The following METTL15 variants were observed in gnomAD, a reference collection of about 807,000 sequenced individuals.
METTL15 encodes the protein methyltransferase 15, mitochondrial 12S rRNA N4-cytidine.
METTL15 carries 34 observed loss-of-function variants against 38.3 expected under a neutral mutation model. The observed-to-expected ratio is 0.89, with a 90% CI of 0.68 to 1.18. The LOEUF (loss-of-function observed/expected upper bound fraction) is 1.18, where lower values mean the gene tolerates loss of function less well. Ranked by LOEUF, METTL15 falls within the 50% of genes most tolerant of loss-of-function variation. METTL15 has a pLI of 0.00. For synonymous variants in METTL15, 162 were observed against 170.9 expected, an observed-to-expected ratio of 0.95 and a Z score of 0.41; for missense variants, 438 against 498.4, an observed-to-expected ratio of 0.88 and a Z score of 1.15.
chr11:28,152,396 C>A (rs1188584081), intron 3 of METTL15, among the ~76,000 whole-genome samples: 1 of 151,672 alleles, frequency 6.6e-6, no homozygotes, highest in Non-Finnish European at 1.5e-5. Flanking sequence ...TAAATTTTTT[C>A]TTTTTAGTCA....
At chr11:28,391,488 C>G (rs977670445) in intron 5 of METTL15, among the ~76,000 whole-genome samples, 1 of 151,256 alleles carries the variant, frequency 6.6e-6, no homozygotes, top group Admixed American at 6.6e-5. Context: ...TTGAGATAAT[C>G]ATGAGCCTAC....
At chr11:28,297,859 A>C (rs1856793560) in intron 6 of METTL15, among the ~76,000 whole-genome samples, 1 of 152,104 alleles carries the variant, frequency 6.6e-6, no homozygotes, top group Non-Finnish European at 1.5e-5. Context: ...TATAAATAGA[A>C]CCTGATATTG....
At chr11:28,230,711 C>T (rs547346782) in intron 4 of METTL15, among the ~76,000 whole-genome samples, 110 of 152,016 alleles carry the variant, frequency 7.2e-4, no homozygotes, top group Non-Finnish European at 1.3e-3. Flanking sequence ...TATAATCCTC[C>T]TGTTCTCGAC....
chr11:28,223,109 C>T (rs1421622540), intron 4 of METTL15, among the ~76,000 whole-genome samples: 2 of 152,016 alleles, frequency 1.3e-5, no homozygotes, highest in Non-Finnish European at 2.9e-5. Flanking sequence ...TCTTTTCCAT[C>T]TAAGTAAAAG....
At chr11:28,463,575 A>G (rs1278885852) in intron 6 of METTL15, among the ~76,000 whole-genome samples, 1 of 152,182 alleles carries the variant, frequency 6.6e-6, no homozygotes, top group Non-Finnish European at 1.5e-5. Flanking sequence ...AAGGGCTCTA[A>G]GTCATATGAT....
At chr11:28,405,001 T>C (rs1371294847) in intron 5 of METTL15, among the ~76,000 whole-genome samples, 1 of 152,124 alleles carries the variant, frequency 6.6e-6, no homozygotes, top group African/African-American at 2.4e-5. Context: ...CCATAAATGA[T>C]ACCAAATAAG....
intron 3 of METTL15, among the ~76,000 whole-genome samples, chr11:28,170,324 C>G (rs183039747): frequency 2.2e-4 from 34 of 152,124 alleles, no homozygotes; most frequent in African/African-American, 8.2e-4. Flanking sequence ...TTTCTTGTCT[C>G]TTAGGAAGCA....
chr11:28,272,720 T>C (rs898379350), intron 4 of METTL15, among the ~76,000 whole-genome samples: 21 of 152,036 alleles, frequency 1.4e-4, no homozygotes, highest in African/African-American at 5.1e-4. Context: ...AGTTTATTAA[T>C]AAAAGAAAAA....
intron 6 of METTL15, among the ~76,000 whole-genome samples, chr11:28,299,199 A>C (rs990831754): frequency 3.3e-5 from 5 of 152,262 alleles, no homozygotes; most frequent in African/African-American, 1.2e-4. Flanking sequence ...TTGATTCTTA[A>C]CAAACCACAC....
intron 3 of METTL15, among the ~76,000 whole-genome samples, chr11:28,190,259 C>T (rs1471413968): frequency 1.3e-5 from 2 of 150,890 alleles, no homozygotes; most frequent in African/African-American, 2.4e-5. Flanking sequence ...AGATAAAATT[C>T]CTTACAATAA....
rs947190229 is a variant in METTL15 at position 28,353,329 on chromosome 11, G to A, written c.*258+1171G>A. Among the ~76,000 whole-genome samples the A allele has an allele frequency of 1.1e-4, 16 of 152,128 alleles. 1 individual carries two copies. Among genetic ancestry groups the A allele is most frequent in the African/African-American group, 2.9e-4 (12 of 41,440 alleles). On this transcript the variant is annotated intron_variant and NMD_transcript_variant, in intron 4 of 7. Coordinates refer to the METTL15 transcript ENST00000532947. Reference sequence around the variant, plus strand: ...TTTTGAAGAGAAAAATGTTGTTTGAGAATATTAATTTTGAAATGATAAGAG... The same window carrying A: ...TTTTGAAGAGAAAAATGTTGTTTGAAAATATTAATTTTGAAATGATAAGAG...
At chr11:28,356,020 T>G (rs1850087082) in intron 4 of METTL15, among the ~76,000 whole-genome samples, 1 of 152,194 alleles carries the variant, frequency 6.6e-6, no homozygotes, top group African/African-American at 2.4e-5. Context: ...GTTGTCTCTC[T>G]ACATGTAATT....
chr11:28,160,174 A>G (rs993948290), intron 3 of METTL15, among the ~76,000 whole-genome samples: 7 of 152,062 alleles, frequency 4.6e-5, no homozygotes, highest in African/African-American at 1.7e-4. Flanking sequence ...CGTGTTCTTC[A>G]GTTTTGGCAC....
Position 28,354,813 on chromosome 11 carries a change from C to T in METTL15, c.*258+2655C>T, listed in dbSNP as rs11030287. 8.3e-3 allele frequency among the ~76,000 whole-genome samples: 1,267 copies of T among 152,190 alleles called. 21 individuals carry two copies. Among genetic ancestry groups the T allele is most frequent in the African/African-American group, 0.029 (1,186 of 41,518 alleles). On this transcript the variant is annotated intron_variant and NMD_transcript_variant, in intron 4 of 7. Transcript: ENST00000532947. ...ATCAGTATTGAACTTTTAATCCCTTCGTGTATGTTTTGAGTTATGTCAAAG... is the reference window on the plus strand; with the variant it reads ...ATCAGTATTGAACTTTTAATCCCTTTGTGTATGTTTTGAGTTATGTCAAAG...
intron 5 of METTL15, among the ~76,000 whole-genome samples, chr11:28,393,756 A>G (rs1490396006): frequency 6.6e-6 from 1 of 152,068 alleles, no homozygotes; most frequent in Non-Finnish European, 1.5e-5. Flanking sequence ...TCTTTTGGTC[A>G]CTTAGGTATG....
At chr11:28,152,993 C>G (rs976401751) in intron 3 of METTL15, among the ~76,000 whole-genome samples, 1 of 151,952 alleles carries the variant, frequency 6.6e-6, no homozygotes, top group Non-Finnish European at 1.5e-5. Context: ...CAAACTGTCA[C>G]GGTGCTGGTG....
At chr11:28,416,489 T>G (rs1168168931) in intron 5 of METTL15, among the ~76,000 whole-genome samples, 1 of 152,166 alleles carries the variant, frequency 6.6e-6, no homozygotes, top group Non-Finnish European at 1.5e-5. Flanking sequence ...TACTCCTCAC[T>G]CCATGTAAAG....
chr11:28,258,961 C>A (rs1855085158), intron 4 of METTL15, among the ~76,000 whole-genome samples: 1 of 152,072 alleles, frequency 6.6e-6, no homozygotes, highest in Non-Finnish European at 1.5e-5. Context: ...GGCCCCATAG[C>A]CAGTACAGCT....
chr11:28,342,979 C>T (rs1043068195), intron 3 of METTL15, among the ~76,000 whole-genome samples: 2 of 152,098 alleles, frequency 1.3e-5, no homozygotes, highest in African/African-American at 4.8e-5. Flanking sequence ...CTACACAGTG[C>T]TGATTGGTAA....
Sources: gnomAD v4.1 joint callset for allele counts (sites outside exome capture counted in the v4.1 genomes callset) on GRCh38, gnomAD v4.1.1 for gene constraint, MANE v1.5 for transcripts, NCBI Gene and HGNC (gene_info 2026-07-23, HGNC 2026-07-21) for gene names.